The following CNTNAP5 variants were observed in gnomAD, a reference collection of about 807,000 sequenced individuals.
CNTNAP5 encodes contactin-associated protein-like 5.
In CNTNAP5, 72 loss-of-function variants were observed where a neutral mutation model predicts 150.2. The ratio of observed to expected loss-of-function variants is 0.48; its 90% CI spans 0.40 to 0.58. The LOEUF is 0.58. Ranked by LOEUF, CNTNAP5 falls within the 20% of genes least tolerant of loss-of-function variation. CNTNAP5 has a pLI of 0.00. For missense variants in CNTNAP5, 1,636 were observed against 1,626.2 expected (o/e 1.01, Z -0.10); for synonymous variants, 672 against 619.8 (o/e 1.08, Z -1.25).
At chr2:124,810,142 G>A (rs314711) in intron 19 of CNTNAP5, among the ~76,000 whole-genome samples, 108,658 of 152,044 alleles carry the variant, frequency 0.71, 39,963 homozygotes, top group East Asian at 0.85. Flanking sequence ...TGATATGCAT[G>A]CATTCATTAT....
chr2:124,739,056 G>A (rs1357018092), intron 13 of CNTNAP5, among the ~76,000 whole-genome samples: 1 of 152,140 alleles, frequency 6.6e-6, no homozygotes, highest in Non-Finnish European at 1.5e-5. Flanking sequence ...ATTCTAGAGA[G>A]CTTTGCCTAG....
At chr2:124,297,921 T>A (rs1326119836) in intron 3 of CNTNAP5, among the ~76,000 whole-genome samples, 5 of 151,522 alleles carry the variant, frequency 3.3e-5, no homozygotes, top group Non-Finnish European at 7.4e-5. Flanking sequence ...CTTGGCTCAC[T>A]GCAACCTCCG....
chr2:124,455,690 A>G (rs970077538), intron 6 of CNTNAP5, among the ~76,000 whole-genome samples: 5 of 149,564 alleles, frequency 3.3e-5, no homozygotes, highest in Non-Finnish European at 4.5e-5. Context: ...AACCAAATCC[A>G]ACAACATATC....
At chr2:124,360,098 G>A (rs1260934614) in intron 3 of CNTNAP5, among the ~76,000 whole-genome samples, 6 of 142,190 alleles carry the variant, frequency 4.2e-5, no homozygotes, top group African/African-American at 1.6e-4. Flanking sequence ...TTGGTTTAAA[G>A]TCTGTTTTAT....
chr2:124,183,636 T>TG (rs1393519301), intron 1 of CNTNAP5, among the ~76,000 whole-genome samples: 1 of 152,212 alleles, frequency 6.6e-6, no homozygotes, highest in East Asian at 1.9e-4. Flanking sequence ...GCACAGTTAA[T>TG]ATATTTCATT....
intron 1 of CNTNAP5, among the ~76,000 whole-genome samples, chr2:124,140,026 A>G (rs1684073263): frequency 6.6e-6 from 1 of 152,122 alleles, no homozygotes; most frequent in Non-Finnish European, 1.5e-5. Flanking sequence ...GAAAGGGGTG[A>G]CAGACGCACC....
In CNTNAP5 at chr2:124,674,546, TCTTTCTTC is replaced by T. The variant is rs1553430201; in HGVS notation, c.2077+26604_2077+26611del. On this transcript the variant is annotated intron_variant, in intron 13 of 23. Coordinates refer to ENST00000682447, the MANE Select transcript of CNTNAP5 (RefSeq NM_001367498.1). ...TTCTTTCTTTCTTTCTTTCTTTCTT[TCTTTCTTC>T]CTTTCTTCCTTTCTTTCTTTCTTTT... Among the ~76,000 whole-genome samples the T allele has an allele frequency of 4.3e-4, 56 of 130,298 alleles. No homozygotes were observed. In the East Asian group the frequency reaches 5.5e-3, roughly 13 times the overall value. 85.5% of individuals were successfully genotyped at this position (130,298 alleles called of 152,430 possible).
intron 1 of CNTNAP5, among the ~76,000 whole-genome samples, chr2:124,035,932 T>TC (rs1681201970): frequency 7.4e-6 from 1 of 134,288 alleles, no homozygotes; most frequent in Non-Finnish European, 1.7e-5. Context: ...TTTTTTTTTT[T>TC]TTTGAGACGG....
chr2:124,413,922 A>T, intron 3 of CNTNAP5, among the ~76,000 whole-genome samples: 1 of 151,728 alleles, frequency 6.6e-6, no homozygotes, highest in East Asian at 1.9e-4. Context: ...AGAACTTCGG[A>T]GAATAGCCTT....
At chr2:124,461,690 C>A (rs1486524976) in intron 6 of CNTNAP5, among the ~76,000 whole-genome samples, 1 of 151,324 alleles carries the variant, frequency 6.6e-6, no homozygotes, top group African/African-American at 2.4e-5. Flanking sequence ...TAAAAATAAA[C>A]AATAAAAAAT....
intron 12 of CNTNAP5, among the ~76,000 whole-genome samples, chr2:124,617,598 T>C (rs549775656): frequency 6.6e-6 from 1 of 152,276 alleles, no homozygotes; most frequent in Admixed American, 6.5e-5. Context: ...CCCACCCTAA[T>C]GGAGTGTGAC....
chr2:124,341,845 G>T (rs576898878), intron 3 of CNTNAP5, among the ~76,000 whole-genome samples: 1 of 152,176 alleles, frequency 6.6e-6, no homozygotes, highest in Non-Finnish European at 1.5e-5. Flanking sequence ...AAGCTGTTGT[G>T]GTGATTTCCC....
chr2:124,579,649 C>T (rs1696367588), intron 11 of CNTNAP5, among the ~76,000 whole-genome samples: 1 of 152,150 alleles, frequency 6.6e-6, no homozygotes, highest in South Asian at 2.1e-4. Context: ...TAAATGTTTG[C>T]ATGCAGCCTT....
chr2:124,078,326 G>A (rs1356163596), intron 1 of CNTNAP5, among the ~76,000 whole-genome samples: 2 of 152,124 alleles, frequency 1.3e-5, no homozygotes, highest in African/African-American at 2.4e-5. Flanking sequence ...ACTTGTAATA[G>A]CTTATTGTAT....
chr2:124,902,321 G>C (rs1283554139), intron 21 of CNTNAP5, among the ~76,000 whole-genome samples: 2 of 152,154 alleles, frequency 1.3e-5, no homozygotes, highest in Non-Finnish European at 2.9e-5. Context: ...TCCATGGACA[G>C]AACCAAGCAG....
chr2:124,827,688 G>A (rs756171860), intron 19 of CNTNAP5, among the ~76,000 whole-genome samples: 8 of 152,056 alleles, frequency 5.3e-5, no homozygotes, highest in South Asian at 2.1e-4. Context: ...TGTTTGTTTC[G>A]TATAATACAT....
rs112761918 is a variant in CNTNAP5 at position 124,226,550 on chromosome 2, T to G, written c.187+4741T>G. Among the ~76,000 whole-genome samples, 74 of 152,240 alleles carry G rather than the reference T, an allele frequency of 4.9e-4. 1 individual carries two copies. Among genetic ancestry groups the G allele is most frequent in the Admixed American group, 2.8e-3 (43 of 15,264 alleles). ...GCAAATATTTTCTCCAATTTGATAG[T>G]TTGCCTTTTAATTTTTTTAATTCTT... On this transcript the variant is annotated intron_variant, in intron 2 of 23. Transcript: ENST00000682447.
chr2:124,034,887 T>C (rs1026866108), intron 1 of CNTNAP5, among the ~76,000 whole-genome samples: 2 of 152,162 alleles, frequency 1.3e-5, no homozygotes, highest in African/African-American at 2.4e-5. Context: ...AGTCTGTTTC[T>C]GGTGAATAAA....
At chr2:124,622,020 T>C (rs1235801865) in intron 12 of CNTNAP5, among the ~76,000 whole-genome samples, 1 of 152,104 alleles carries the variant, frequency 6.6e-6, no homozygotes, top group East Asian at 1.9e-4. Context: ...TTTACATAGG[T>C]AAACGTGTGC....
Sources: allele counts gnomAD v4.1 joint callset (sites outside exome capture counted in the v4.1 genomes callset), GRCh38; gene constraint gnomAD v4.1.1; transcripts MANE v1.5; gene names NCBI Gene and HGNC (gene_info 2026-07-23, HGNC 2026-07-21).